SHROOM3: variants seen among roughly 807,000 people sequenced by gnomAD.
SHROOM3 encodes protein Shroom3.
SHROOM3 carries 47 observed loss-of-function variants against 138.6 expected under a neutral mutation model. The observed-to-expected ratio is 0.34, with a 90% CI of 0.27 to 0.43. The LOEUF is 0.43. Ranked by LOEUF, SHROOM3 falls within the 20% of genes least tolerant of loss-of-function variation. SHROOM3 has a pLI of 1.00. For synonymous variants in SHROOM3, 1,062 were observed against 1,063.3 expected (o/e 1.00, Z 0.02); for missense variants, 2,491 against 2,596.5 (o/e 0.96, Z 0.88).
chr4:76,628,652 T>C (rs1197194745), intron 2 of SHROOM3, among the ~76,000 whole-genome samples: 2 of 152,198 alleles, frequency 1.3e-5, no homozygotes, highest in Non-Finnish European at 2.9e-5. Context: ...TAGGTATAGA[T>C]AGTAAATGTT....
intron 2 of SHROOM3, among the ~76,000 whole-genome samples, chr4:76,643,816 T>TA (rs1204232470): frequency 6.6e-6 from 1 of 152,220 alleles, no homozygotes; most frequent in Non-Finnish European, 1.5e-5. Flanking sequence ...AATCATTATT[T>TA]ACTGTTGGGT....
At chr4:76,501,728 C>G (rs1035346466) in intron 1 of SHROOM3, among the ~76,000 whole-genome samples, 6 of 152,088 alleles carry the variant, frequency 3.9e-5, no homozygotes, top group Non-Finnish European at 5.9e-5. Context: ...CATAAAAATT[C>G]CTAAACTATG....
intron 2 of SHROOM3, among the ~76,000 whole-genome samples, chr4:76,670,756 C>G (rs574264076): frequency 1.8e-4 from 28 of 152,108 alleles, no homozygotes; most frequent in African/African-American, 6.5e-4. Flanking sequence ...GAACTTAGAC[C>G]ACCCTGGGCA....
rs370199969 is a variant in SHROOM3, at chr4:76,770,703, G to T, written c.5427G>T (p.Lys1809Asn). 3.7e-6 allele frequency: 6 copies of T among 1,614,090 alleles called. No individual in the cohort carries two copies. In the East Asian group the frequency reaches 1.1e-4, roughly 30 times the overall value. ...EAKGSLLTDIKLNNALGEEVE... is the reference protein window; with the variant it reads ...EAKGSLLTDINLNNALGEEVE... ...AGGGGAGCCTGCTCACGGACATCAA[G>T]CTCAACAACGCCCTGGGAGAAGAGG... is the stretch of plus-strand genomic sequence containing the variant. The change falls in exon 10 of 11, where the codon AAG becomes AAT. Residue 1809 changes from lysine to asparagine, a missense_variant. This residue lies in a region of SHROOM3 where 470 missense variants were observed against 595.0 expected (regional missense o/e 0.79). Transcript: ENST00000296043.
chr4:76,555,607 A>G lies in SHROOM3; in HGVS notation c.169-2A>G. ...GGCTGTCGCATCTCTCCCTCCAAGC[A>G]GGTCGAAGAAGGGGGCAAAGCAGAC... On this transcript the variant is annotated splice_acceptor_variant, in intron 1 of 10. Coordinates refer to ENST00000296043, the MANE Select transcript of SHROOM3 (RefSeq NM_020859.4). LOFTEE classifies it high-confidence loss of function. The G allele has an allele frequency of 6.2e-7, 1 of 1,613,268 alleles. No homozygotes were observed. The highest frequency in any genetic ancestry group is 1.7e-5 in the Admixed American group (1 of 60,026).
intron 2 of SHROOM3, among the ~76,000 whole-genome samples, chr4:76,698,137 G>A (rs1186027476): frequency 1.3e-5 from 2 of 152,124 alleles, no homozygotes; most frequent in Non-Finnish European, 1.5e-5. Flanking sequence ...GTCCCCCTTT[G>A]GGTGATAGCA....
At chr4:76,513,656 T>C (rs989110897) in intron 1 of SHROOM3, among the ~76,000 whole-genome samples, 30 of 152,166 alleles carry the variant, frequency 2.0e-4, no homozygotes, top group Non-Finnish European at 1.5e-5. Context: ...TTACCGGTAG[T>C]ATGCTTTAAG....
chr4:76,778,220 T>C (rs930900208), intron 10 of SHROOM3, among the ~76,000 whole-genome samples: 5 of 146,184 alleles, frequency 3.4e-5, no homozygotes, highest in Admixed American at 1.4e-4. Context: ...GGTACCTTGA[T>C]GATTTTTTTT....
chr4:76,748,814 C>CTTT (rs34047499), intron 5 of SHROOM3, among the ~76,000 whole-genome samples: 19 of 100,542 alleles, frequency 1.9e-4, no homozygotes, highest in African/African-American at 6.8e-4. Flanking sequence ...TCTGACTCTG[C>CTTT]TTTTTTTTTT....
At chr4:76,749,196 C>A in intron 6 of SHROOM3, 106 bp downstream of exon 6, 2 of 1,110,594 alleles carry the variant, frequency 1.8e-6, no homozygotes, top group Non-Finnish European at 2.7e-6. Context: ...TATAGTGTCA[C>A]ATGCTTTTTT....
chr4:76,667,375 G>C (rs1206994501), intron 2 of SHROOM3, among the ~76,000 whole-genome samples: 1 of 152,064 alleles, frequency 6.6e-6, no homozygotes. Flanking sequence ...GCTGGATGCA[G>C]TGATGTGATC....
chr4:76,564,988 C>T (rs113049596), intron 2 of SHROOM3, among the ~76,000 whole-genome samples: 2 of 151,700 alleles, frequency 1.3e-5, no homozygotes, highest in Non-Finnish European at 2.9e-5. Flanking sequence ...AGTGAAACCC[C>T]ATCTCTACTA....
At chr4:76,589,563 GGT>G (rs897477515) in intron 2 of SHROOM3, among the ~76,000 whole-genome samples, 1 of 152,106 alleles carries the variant, frequency 6.6e-6, no homozygotes, top group Non-Finnish European at 1.5e-5. Context: ...CAAAAACTCT[GGT>G]GTTGGAATGT....
chr4:76,608,551 A>AGCG (rs1560563094), intron 2 of SHROOM3, among the ~76,000 whole-genome samples: 57 of 75,956 alleles, frequency 7.5e-4, no homozygotes, highest in African/African-American at 2.2e-3. Flanking sequence ...ATAGCATAGC[A>AGCG]TAGCATAGCA....
At chr4:76,702,803 G>A (rs1719941087) in intron 2 of SHROOM3, among the ~76,000 whole-genome samples, 1 of 152,150 alleles carries the variant, frequency 6.6e-6, no homozygotes, top group Non-Finnish European at 1.5e-5. Context: ...GGGCTCAGTG[G>A]GTAGAGGGAC....
intron 1 of SHROOM3, among the ~76,000 whole-genome samples, chr4:76,519,772 T>C (rs1732524709): frequency 6.6e-6 from 1 of 152,238 alleles, no homozygotes; most frequent in Non-Finnish European, 1.5e-5. Flanking sequence ...TTAGGCTTTT[T>C]GTATGTGCAT....
chr4:76,469,422 A>G (rs995976476), intron 1 of SHROOM3, among the ~76,000 whole-genome samples: 4 of 151,788 alleles, frequency 2.6e-5, no homozygotes, highest in Middle Eastern at 3.4e-3. Flanking sequence ...TTAAATTCCC[A>G]GTCGTTTCAT....
At position 76,754,652 on chromosome 4, in the gene SHROOM3, A is replaced by G. The variant is rs1291082286; in HGVS notation, c.4169A>G (p.Asn1390Ser). 3 of 1,614,138 alleles carry G rather than the reference A, an allele frequency of 1.9e-6. No homozygotes were observed. Among genetic ancestry groups the G allele is most frequent in the South Asian group, 1.1e-5 (1 of 91,076 alleles). The change falls in exon 7 of 11, where the codon AAT becomes AGT. Residue 1390 changes from asparagine to serine, a missense_variant. Physicochemically the swap from Asn to Ser is conservative, Grantham distance 46 (BLOSUM62 1). Transcript: ENST00000296043. ...PYTPAMMHRS[N>S]GHTLTQPPGP... The stretch of plus-strand genomic sequence containing the variant: ...ACCCCTGCCATGATGCACAGAAGCA[A>G]TGGTCACACCCTGACCCAGCCTCCC...
intron 1 of SHROOM3, among the ~76,000 whole-genome samples, chr4:76,504,340 G>A (rs1385255638): frequency 2.0e-5 from 3 of 151,986 alleles, no homozygotes; most frequent in Non-Finnish European, 4.4e-5. Context: ...TTTGTATTTA[G>A]TGGAGACAGT....
Sources: gnomAD v4.1 joint callset for allele counts (sites outside exome capture counted in the v4.1 genomes callset) on GRCh38, gnomAD v4.1.1 for gene constraint, gnomAD v4.1.1 regional missense constraint, MANE v1.5 for transcripts, NCBI Gene and HGNC (gene_info 2026-07-23, HGNC 2026-07-21) for gene names.